The following CCDC150 variants were observed in gnomAD, a reference collection of about 807,000 sequenced individuals.
CCDC150 encodes the protein coiled-coil domain-containing protein 150.
CCDC150 carries 151 observed loss-of-function variants against 156.5 expected under a neutral mutation model. The observed-to-expected ratio is 0.97, with a 90% CI of 0.85 to 1.10. The LOEUF (loss-of-function observed/expected upper bound fraction) is 1.10, where lower values mean the gene tolerates loss of function less well. Among genes scored for constraint, CCDC150 ranks in the 50% least tolerant of loss-of-function variants. The probability of loss-of-function intolerance (pLI) is 0.00; values close to 1 mark genes in which losing one functional copy is unlikely to be tolerated. For synonymous variants in CCDC150, 452 were observed against 429.4 expected (o/e 1.05, Z -0.65); for missense variants, 1,312 against 1,268.1 (o/e 1.03, Z -0.53).
chr2:196,639,789 C>G lies in CCDC150; in HGVS notation c.12+11C>G. 1.3e-6 allele frequency: 2 copies of G among 1,575,080 alleles called. No homozygotes were observed. Among genetic ancestry groups the G allele is most frequent in the Non-Finnish European group, 1.7e-6 (2 of 1,156,510 alleles). ...CAGATGGACTGTAAGGTGAGGCTGC[C>G]GGGCCCCGGGCTGGTGAGGGGTGGT... On this transcript the variant is annotated intron_variant, in intron 1 of 27. Transcript: ENST00000389175.
chr2:196,723,320 G>A (rs1319793316), intron 21 of CCDC150, among the ~76,000 whole-genome samples: 1 of 152,246 alleles, frequency 6.6e-6, no homozygotes. Context: ...GGCCAACATG[G>A]TGAAACCCCA....
At chr2:196,646,597 C>T in intron 2 of CCDC150, 93 bp downstream of exon 2, 1 of 882,384 alleles carries the variant, frequency 1.1e-6, no homozygotes, top group Non-Finnish European at 1.8e-6. Context: ...TGGATATTTG[C>T]AAAAGAACTG....
intron 17 of CCDC150, among the ~76,000 whole-genome samples, chr2:196,717,414 T>G (rs1343308896): frequency 6.6e-6 from 1 of 152,016 alleles, no homozygotes; most frequent in Non-Finnish European, 1.5e-5. Flanking sequence ...TAGGATAAAA[T>G]TGCATGGAAC....
intron 7 of CCDC150, among the ~76,000 whole-genome samples, chr2:196,668,910 TCTAAGGTATATC>T (rs1323999065): frequency 6.6e-6 from 1 of 152,246 alleles, no homozygotes; most frequent in African/African-American, 2.4e-5. Flanking sequence ...GTACAGTTTT[TCTAAGGTATATC>T]CTATATAAAA....
At chr2:196,723,363 G>GT (rs1195469681) in intron 21 of CCDC150, among the ~76,000 whole-genome samples, 3 of 152,156 alleles carry the variant, frequency 2.0e-5, no homozygotes, top group Non-Finnish European at 4.4e-5. Context: ...GGGTGTGGTG[G>GT]TGTATGCCTG....
chr2:196,640,187 T>G (rs948480555), intron 1 of CCDC150, among the ~76,000 whole-genome samples: 8 of 152,192 alleles, frequency 5.3e-5, no homozygotes, highest in African/African-American at 1.9e-4. Context: ...TCTTTACGGT[T>G]TCCGCAGTAC....
chr2:196,684,167 A>G (rs1186934474), intron 13 of CCDC150, among the ~76,000 whole-genome samples: 4 of 152,078 alleles, frequency 2.6e-5, no homozygotes, highest in Non-Finnish European at 5.9e-5. Flanking sequence ...GCCCATAAAA[A>G]AATAAAAAAT....
At chr2:196,693,366 T>C (rs964297836) in intron 13 of CCDC150, among the ~76,000 whole-genome samples, 3 of 152,240 alleles carry the variant, frequency 2.0e-5, no homozygotes, top group Admixed American at 2.0e-4. Context: ...GCACATCATA[T>C]CTTAGACATA....
Position 196,720,570 on chromosome 2 carries a change from T to C in CCDC150, c.2166-5T>C. 6.2e-7 allele frequency: 1 copy of C among 1,612,568 alleles called. No homozygotes were observed. The highest frequency in any genetic ancestry group is 8.5e-7 in the Non-Finnish European group (1 of 1,178,916). On this transcript the variant is annotated splice_polypyrimidine_tract_variant and splice_region_variant and intron_variant, in intron 19 of 27. Coordinates refer to ENST00000389175, the MANE Select transcript of CCDC150 (RefSeq NM_001080539.2). The stretch of plus-strand genomic sequence containing the variant: ...AGTCACTCTTTTTGTGCTTTTTATT[T>C]TTAGGGATCTCAATCAACAGAGGGT...
At chr2:196,678,629 G>A (rs549472930) in intron 13 of CCDC150, among the ~76,000 whole-genome samples, 7 of 152,260 alleles carry the variant, frequency 4.6e-5, no homozygotes, top group South Asian at 2.1e-4. Context: ...GAGAGTGGGC[G>A]TGGTGGCTCA....
chr2:196,673,228 A>G (rs905022989), intron 9 of CCDC150, among the ~76,000 whole-genome samples: 15 of 152,200 alleles, frequency 9.9e-5, no homozygotes, highest in African/African-American at 3.1e-4. Flanking sequence ...TGTAATCCTC[A>G]CAATAGCCCT....
chr2:196,679,247 C>T (rs1466021197), intron 13 of CCDC150, among the ~76,000 whole-genome samples: 1 of 151,896 alleles, frequency 6.6e-6, no homozygotes, highest in Non-Finnish European at 1.5e-5. Context: ...ATCATGTAAC[C>T]ACCACCACAA....
At chr2:196,722,927 G>A (rs1415068392) in intron 21 of CCDC150, among the ~76,000 whole-genome samples, 1 of 152,128 alleles carries the variant, frequency 6.6e-6, no homozygotes, top group African/African-American at 2.4e-5. Context: ...TGAGGTGAGA[G>A]TTAGAGGTCT....
Position 196,695,118 on chromosome 2 carries a change from G to A in CCDC150, c.1582G>A (p.Ala528Thr). ...GAATAAGCACCTGGCAGATCAAATG[G>A]CTTCCCTAGAACTTCAGCAAGTCAC... ...EENKHLADQM[A>T]SLELQQVTSD... Residue 528 changes from alanine to threonine, a missense_variant, in exon 14 of 28, where the codon GCT (alanine) becomes ACT (threonine). By Grantham distance (58) the Ala-to-Thr change is moderately conservative. Transcript: ENST00000389175. 3.1e-6 allele frequency: 5 copies of A among 1,612,482 alleles called. No individual in the cohort carries two copies. The highest frequency in any genetic ancestry group is 3.4e-6 in the Non-Finnish European group (4 of 1,178,710).
At chr2:196,682,173 C>T (rs1694872885) in intron 13 of CCDC150, among the ~76,000 whole-genome samples, 1 of 151,892 alleles carries the variant, frequency 6.6e-6, no homozygotes, top group African/African-American at 2.4e-5. Flanking sequence ...ATTTTGGCTA[C>T]AGATATACAA....
intron 13 of CCDC150, among the ~76,000 whole-genome samples, chr2:196,689,627 A>G (rs1306325766): frequency 6.6e-6 from 1 of 151,948 alleles, no homozygotes; most frequent in Non-Finnish European, 1.5e-5. Context: ...GTTGCTTATC[A>G]GCTTAAGGAG....
intron 6 of CCDC150, 71 bp from the exon 7 acceptor site, chr2:196,666,648 A>G (rs1693855693): frequency 2.3e-6 from 3 of 1,300,096 alleles, no homozygotes; most frequent in South Asian, 1.4e-5. Flanking sequence ...GTTGCCTTAT[A>G]CATGTGCTAT....
Position 196,674,229 on chromosome 2 carries a change from G to A in CCDC150, c.1030-12G>A. The A allele has an allele frequency of 2.0e-6, 3 of 1,510,402 alleles. 1 individual carries two copies. The highest frequency in any genetic ancestry group is 1.8e-5 in the Admixed American group (1 of 54,842). 93.6% of individuals were successfully genotyped at this position (1,510,402 alleles called of 1,614,324 possible). On this transcript the variant is annotated splice_polypyrimidine_tract_variant and intron_variant, in intron 9 of 27. Coordinates refer to ENST00000389175, the MANE Select transcript of CCDC150 (RefSeq NM_001080539.2). ...TGGAGAGACCAATGACTTGCTGTGT[G>A]TGTTTTCTTAGGTTTTGAATGACCA...
At chr2:196,680,594 C>T (rs1371770292) in intron 13 of CCDC150, among the ~76,000 whole-genome samples, 1 of 152,224 alleles carries the variant, frequency 6.6e-6, no homozygotes, top group African/African-American at 2.4e-5. Flanking sequence ...CGTGAGCCAC[C>T]ATGCCCAGCC....
Sources: gnomAD v4.1 joint callset for allele counts (sites outside exome capture counted in the v4.1 genomes callset) on GRCh38, gnomAD v4.1.1 for gene constraint, MANE v1.5 for transcripts, NCBI Gene and HGNC (gene_info 2026-07-23, HGNC 2026-07-21) for gene names.